PTPRK: variants seen among roughly 807,000 people sequenced by gnomAD.
PTPRK encodes protein tyrosine phosphatase receptor type K, also known as receptor-type tyrosine-protein phosphatase kappa.
A neutral mutation model predicts 178.0 loss-of-function variants in PTPRK; 75 were observed. The observed-to-expected ratio is 0.42, with a 90% CI of 0.35 to 0.51. PTPRK has a LOEUF of 0.51. PTPRK is among the 20% of genes least tolerant of loss of function. The pLI, the probability that PTPRK is intolerant of heterozygous loss-of-function variation, is 0.02. For synonymous variants in PTPRK, 637 were observed against 620.6 expected, an observed-to-expected ratio of 1.03 and a Z score of -0.39; for missense variants, 1,441 against 1,797.8, an observed-to-expected ratio of 0.80 and a Z score of 3.59.
intron 3 of PTPRK, among the ~76,000 whole-genome samples, chr6:128,250,605 C>T (rs577211570): frequency 5.8e-4 from 88 of 152,256 alleles, no homozygotes; most frequent in Non-Finnish European, 8.5e-4. Context: ...TACAATGACA[C>T]TTGTTTGAGA....
intron 18 of PTPRK, among the ~76,000 whole-genome samples, 174 bp from the exon 19 acceptor site, chr6:127,992,883 CA>C (rs1333216285): frequency 2.0e-5 from 3 of 151,424 alleles, no homozygotes; most frequent in Non-Finnish European, 4.4e-5. Flanking sequence ...GAAAGGTAAA[CA>C]TAAAACAAAA....
chr6:128,303,348 C>T lies in PTPRK; in HGVS notation c.495+18691G>A, dbSNP rs556555306. 4.6e-5 allele frequency among the ~76,000 whole-genome samples: 7 copies of T among 152,250 alleles called. No individual in the cohort carries two copies. In the South Asian group the frequency reaches 1.5e-3, roughly 32 times the overall value. On this transcript the variant is annotated intron_variant, in intron 3 of 29. Transcript: ENST00000368226. ...TCACTGGGAAGTTTTCCTATGAATC[C>T]GTATTACTGGCATTGCATTAAGGAG...
intron 5 of PTPRK, among the ~76,000 whole-genome samples, chr6:128,228,167 G>A (rs1478984869): frequency 6.6e-6 from 1 of 151,520 alleles, no homozygotes; most frequent in Non-Finnish European, 1.5e-5. Flanking sequence ...AAGAAATTAT[G>A]AGTAACTACA....
rs114813985 is a variant in PTPRK, at chr6:128,339,219, T to C, written c.224-16909A>G. Among the ~76,000 whole-genome samples the C allele has an allele frequency of 9.6e-3, 1,468 of 152,300 alleles. 25 individuals are homozygous for C. The highest frequency in any genetic ancestry group is 0.033 in the African/African-American group (1,380 of 41,572). On this transcript the variant is annotated intron_variant, in intron 2 of 29. Transcript: ENST00000368226. ...AGCTTCTAACTTACACAGCTAACTT[T>C]TAAAATTAATAAATTTTCTTATTTT...
intron 13 of PTPRK, among the ~76,000 whole-genome samples, chr6:128,022,625 G>A (rs1773700184): frequency 6.6e-6 from 1 of 152,094 alleles, no homozygotes; most frequent in Admixed American, 6.5e-5. Context: ...CATTGATTTT[G>A]AAGGGATCGC....
At chr6:128,437,502 C>T (rs1019229377) in intron 1 of PTPRK, among the ~76,000 whole-genome samples, 1 of 152,154 alleles carries the variant, frequency 6.6e-6, no homozygotes, top group Non-Finnish European at 1.5e-5. Flanking sequence ...CAAGAACCCA[C>T]TCTTGGGGTC....
intron 1 of PTPRK, among the ~76,000 whole-genome samples, chr6:128,493,936 C>A (rs1382280549): frequency 6.6e-6 from 1 of 152,206 alleles, no homozygotes; most frequent in Admixed American, 6.5e-5. Flanking sequence ...ATGTCCATTT[C>A]TCCAAACAGA....
intron 3 of PTPRK, among the ~76,000 whole-genome samples, chr6:128,272,743 G>A (rs1344955985): frequency 1.3e-5 from 2 of 152,130 alleles, no homozygotes; most frequent in Admixed American, 6.5e-5. Context: ...AAATAGGAAT[G>A]CTTTTACACT....
At chr6:128,018,287 T>C (rs1238096358) in intron 13 of PTPRK, among the ~76,000 whole-genome samples, 1 of 152,122 alleles carries the variant, frequency 6.6e-6, no homozygotes, top group Non-Finnish European at 1.5e-5. Flanking sequence ...GCTACTTATA[T>C]AAGAGCATTT....
rs374418313 is a variant in PTPRK at position 128,165,170 on chromosome 6, C to A, written c.1162+19262G>T. 2.6e-5 allele frequency among the ~76,000 whole-genome samples: 4 copies of A among 151,148 alleles called. No individual in the cohort carries two copies. In the East Asian group the frequency reaches 7.8e-4, roughly 29 times the overall value. ...ATCAAGGGAGAAACAAAAGAAATGA[C>A]AGAAACACATGTGATGGGAAAGTTT... On this transcript the variant is annotated intron_variant, in intron 7 of 29. Coordinates refer to ENST00000368226, the MANE Select transcript of PTPRK (RefSeq NM_002844.4).
intron 7 of PTPRK, among the ~76,000 whole-genome samples, chr6:128,145,330 A>C (rs549467245): frequency 6.6e-6 from 1 of 152,200 alleles, no homozygotes; most frequent in African/African-American, 2.4e-5. Context: ...GAGCTGATGG[A>C]GAGATTTATG....
At chr6:128,036,745 T>A (rs1776288152) in intron 13 of PTPRK, among the ~76,000 whole-genome samples, 1 of 151,948 alleles carries the variant, frequency 6.6e-6, no homozygotes, top group Admixed American at 6.5e-5. Flanking sequence ...CCCTCCTTTT[T>A]TTTTTTTAAG....
intron 13 of PTPRK, among the ~76,000 whole-genome samples, chr6:128,055,790 T>C (rs1301817487): frequency 6.6e-6 from 1 of 151,804 alleles, no homozygotes; most frequent in South Asian, 2.1e-4. Flanking sequence ...TTTGTAGAGA[T>C]TGGGTCTCAC....
intron 7 of PTPRK, among the ~76,000 whole-genome samples, chr6:128,101,972 T>A (rs769066860): frequency 6.6e-6 from 1 of 152,194 alleles, no homozygotes; most frequent in African/African-American, 2.4e-5. Flanking sequence ...AATGTTTTAA[T>A]CTGTACCTTT....
intron 3 of PTPRK, among the ~76,000 whole-genome samples, chr6:128,307,621 A>G (rs1428224819): frequency 6.6e-6 from 1 of 152,060 alleles, no homozygotes; most frequent in Non-Finnish European, 1.5e-5. Context: ...AATTGATAAG[A>G]AACAGATAAA....
At chr6:128,352,111 G>T (rs1399991359) in intron 2 of PTPRK, among the ~76,000 whole-genome samples, 1 of 151,590 alleles carries the variant, frequency 6.6e-6, no homozygotes, top group South Asian at 2.1e-4. Flanking sequence ...AAAATTAGCC[G>T]GGCATGGTGG....
chr6:128,038,964 T>A (rs867717135), intron 13 of PTPRK, among the ~76,000 whole-genome samples: 9 of 152,326 alleles, frequency 5.9e-5, no homozygotes, highest in Middle Eastern at 3.4e-3. Flanking sequence ...AGACTGGCAC[T>A]AATTAGTAGT....
chr6:128,430,166 G>C (rs904820318), intron 1 of PTPRK, among the ~76,000 whole-genome samples: 3 of 150,522 alleles, frequency 2.0e-5, no homozygotes, highest in African/African-American at 7.3e-5. Flanking sequence ...AATGAGTTAA[G>C]AAAGAAACGG....
At chr6:128,218,836 T>G in intron 6 of PTPRK, 86 bp downstream of exon 6, 2 of 1,229,312 alleles carry the variant, frequency 1.6e-6, no homozygotes, top group Non-Finnish European at 2.3e-6. Context: ...ACACTATGGT[T>G]TAAAAATCAA....
Sources: allele counts gnomAD v4.1 joint callset (sites outside exome capture counted in the v4.1 genomes callset), GRCh38; gene constraint gnomAD v4.1.1; transcripts MANE v1.5; gene names NCBI Gene and HGNC (gene_info 2026-07-23, HGNC 2026-07-21).